The following ENOX1 variants were observed in gnomAD, a reference collection of about 807,000 sequenced individuals.
ENOX1 encodes the protein ecto-NOX disulfide-thiol exchanger 1.
A neutral mutation model predicts 82.5 loss-of-function variants in ENOX1; 42 were observed. The observed-to-expected ratio is 0.51, with a 90% CI of 0.40 to 0.66. ENOX1 has a LOEUF of 0.66. ENOX1 is among the 30% of genes least tolerant of loss of function. The pLI, the probability that ENOX1 is intolerant of heterozygous loss-of-function variation, is 0.00. For missense variants in ENOX1, 608 were observed against 811.6 expected (o/e 0.75, Z 3.05); for synonymous variants, 271 against 282.2 (o/e 0.96, Z 0.40).
At chr13:43,263,652 T>C (rs1368461956) in intron 14 of ENOX1, among the ~76,000 whole-genome samples, 1 of 152,254 alleles carries the variant, frequency 6.6e-6, no homozygotes. Flanking sequence ...ACCTCACAAT[T>C]ACAAGTACTT....
intron 11 of ENOX1, among the ~76,000 whole-genome samples, chr13:43,310,419 T>C (rs2047136386): frequency 1.3e-5 from 2 of 152,188 alleles, no homozygotes; most frequent in South Asian, 2.1e-4. Context: ...TAAAAATGAC[T>C]TCCTTCCAAT....
intron 1 of ENOX1, among the ~76,000 whole-genome samples, chr13:43,695,639 G>A (rs892952586): frequency 6.6e-6 from 1 of 151,888 alleles, no homozygotes; most frequent in Admixed American, 6.6e-5. Context: ...GTAGAGACGG[G>A]GTTTCGCCAT....
Position 43,382,459 on chromosome 13 carries a change from C to T in ENOX1, c.209-21007G>A, listed in dbSNP as rs114053308. ...ATCCACTCTATTTCTATTCAGCCAT[C>T]AGGATATATGACAACATGCGTGACT... On this transcript the variant is annotated intron_variant, in intron 5 of 16. Transcript: ENST00000690772. Among the ~76,000 whole-genome samples the T allele has an allele frequency of 6.2e-3, 944 of 152,238 alleles. 13 individuals carry two copies. Among genetic ancestry groups the T allele is most frequent in the African/African-American group, 0.022 (905 of 41,552 alleles).
intron 7 of ENOX1, among the ~76,000 whole-genome samples, chr13:43,359,043 G>A (rs947142831): frequency 1.3e-5 from 2 of 152,140 alleles, no homozygotes; most frequent in African/African-American, 4.8e-5. Context: ...GTAAAACCTG[G>A]CAGGAATGCT....
intron 5 of ENOX1, among the ~76,000 whole-genome samples, chr13:43,380,034 A>T (rs1282452506): frequency 6.6e-6 from 1 of 151,890 alleles, no homozygotes; most frequent in Non-Finnish European, 1.5e-5. Context: ...ATTAAAAAAA[A>T]ATCTTTTCTT....
chr13:43,470,366 G>GTATATATATGTATATATA (rs71099835), intron 3 of ENOX1, among the ~76,000 whole-genome samples: 28 of 7,144 alleles, frequency 3.9e-3, no homozygotes, highest in Admixed American at 0.013. Flanking sequence ...ATATATATAC[G>GTATATATATGTATATATA]TATATATATA....
chr13:43,673,102 G>T (rs1213596255), intron 1 of ENOX1, among the ~76,000 whole-genome samples: 1 of 151,710 alleles, frequency 6.6e-6, no homozygotes, highest in Non-Finnish European at 1.5e-5. Context: ...TTACAGAAAA[G>T]ATAAACCTAT....
At chr13:43,631,687 G>C (rs1356535135) in intron 2 of ENOX1, among the ~76,000 whole-genome samples, 2 of 152,052 alleles carry the variant, frequency 1.3e-5, no homozygotes, top group South Asian at 2.1e-4. Context: ...ATATCTACAC[G>C]CAAGTAGGCT....
intron 1 of ENOX1, among the ~76,000 whole-genome samples, chr13:43,726,912 T>C (rs1356859189): frequency 6.6e-6 from 1 of 152,072 alleles, no homozygotes; most frequent in Non-Finnish European, 1.5e-5. Context: ...TGGCTAATTT[T>C]TGTATTTTTA....
rs3043205 is a variant in ENOX1 at position 43,213,544 on chromosome 13, C to CTTTTTTTTTTT, written c.*435_*445dup. On this transcript the variant is annotated 3_prime_UTR_variant, in exon 17 of 17. Transcript: ENST00000690772. ...TTTTTCTTTTTTTCTTTTTCTTTTT[C>CTTTTTTTTTTT]TTTTTTTTTTTTTTTTTTTTTTTAC... 58 of 83,986 alleles carry CTTTTTTTTTTT rather than the reference C, an allele frequency of 6.9e-4. No homozygotes were observed. The highest frequency in any genetic ancestry group is 1.3e-3 in the East Asian group (3 of 2,380). 5.2% of individuals were successfully genotyped at this position (83,986 alleles called of 1,614,324 possible).
chr13:43,605,010 C>T (rs1239371371), intron 2 of ENOX1, among the ~76,000 whole-genome samples: 1 of 152,026 alleles, frequency 6.6e-6, no homozygotes, highest in Non-Finnish European at 1.5e-5. Context: ...ATCCCATTTA[C>T]AACAGCTACA....
chr13:43,625,384 A>G (rs1244313120), intron 2 of ENOX1, among the ~76,000 whole-genome samples: 1 of 152,008 alleles, frequency 6.6e-6, no homozygotes, highest in Non-Finnish European at 1.5e-5. Flanking sequence ...GAATAAGAGT[A>G]GTGAGATTGA....
At chr13:43,490,053 C>T (rs2153661304) in intron 2 of ENOX1, among the ~76,000 whole-genome samples, 1 of 152,296 alleles carries the variant, frequency 6.6e-6, no homozygotes, top group East Asian at 1.9e-4. Context: ...ATTCTCCTGC[C>T]TCATCCTCCT....
chr13:43,541,200 C>CTTTTTTTTTTTTTTTTTTTA (rs1555317963), intron 2 of ENOX1, among the ~76,000 whole-genome samples: 1 of 14,436 alleles, frequency 6.9e-5, no homozygotes, highest in Admixed American at 5.7e-4. Context: ...TTTTTTTTTG[C>CTTTTTTTTTTTTTTTTTTTA]TAAAAATGAT....
intron 1 of ENOX1, among the ~76,000 whole-genome samples, chr13:43,679,632 AT>A (rs1358524604): frequency 2.6e-5 from 4 of 152,126 alleles, no homozygotes; most frequent in Non-Finnish European, 4.4e-5. Flanking sequence ...ACATTTCTTC[AT>A]CTTTAAGATA....
chr13:43,579,609 AC>A (rs916615178), intron 2 of ENOX1, among the ~76,000 whole-genome samples: 1 of 152,184 alleles, frequency 6.6e-6, no homozygotes, highest in Non-Finnish European at 1.5e-5. Flanking sequence ...TCCCCATGAG[AC>A]CACAAGGAAT....
intron 2 of ENOX1, among the ~76,000 whole-genome samples, chr13:43,561,449 C>A (rs1053650538): frequency 9.2e-5 from 14 of 152,128 alleles, no homozygotes; most frequent in East Asian, 5.8e-4. Context: ...CATATAGGAA[C>A]AGTGCCATCA....
intron 5 of ENOX1, among the ~76,000 whole-genome samples, chr13:43,386,119 C>G (rs1489412651): frequency 6.6e-6 from 1 of 152,168 alleles, no homozygotes; most frequent in Non-Finnish European, 1.5e-5. Context: ...TGAGCTGAGA[C>G]TGTTCCACTG....
intron 3 of ENOX1, among the ~76,000 whole-genome samples, chr13:43,470,287 T>TATACAC (rs2057951794): frequency 7.4e-5 from 5 of 67,252 alleles, no homozygotes; most frequent in Non-Finnish European, 1.7e-4. Context: ...TATATACATA[T>TATACAC]ATATATACAC....
Sources: gnomAD v4.1 joint callset for allele counts (sites outside exome capture counted in the v4.1 genomes callset) on GRCh38, gnomAD v4.1.1 for gene constraint, MANE v1.5 for transcripts, NCBI Gene and HGNC (gene_info 2026-07-23, HGNC 2026-07-21) for gene names.